CES2: variants seen among roughly 807,000 people sequenced by gnomAD.
The protein encoded by CES2 is carboxylesterase 2, also known as cocaine esterase.
A neutral mutation model predicts 52.1 loss-of-function variants in CES2; 42 were observed. The observed-to-expected ratio is 0.81, with a 90% CI of 0.63 to 1.04. The LOEUF (loss-of-function observed/expected upper bound fraction) is 1.04, where lower values mean the gene tolerates loss of function less well. Ranked by LOEUF, CES2 falls within the 50% of genes least tolerant of loss-of-function variation. CES2 has a pLI of 0.00. For missense variants in CES2, 656 were observed against 724.3 expected (o/e 0.91, Z 1.08); for synonymous variants, 277 against 289.6 (o/e 0.96, Z 0.44).
chr16:66,939,076 G>A, intron 2 of CES2, 141 bp from the exon 3 acceptor site: 2 of 697,310 alleles, frequency 2.9e-6, no homozygotes, highest in African/African-American at 1.8e-5. Context: ...GTAACTTGGT[G>A]GGAAGGGATT....
chr16:66,939,284 G>A lies in CES2; in HGVS notation c.349G>A (p.Asp117Asn), dbSNP rs758448458. 34 of 1,613,824 alleles carry A rather than the reference G, an allele frequency of 2.1e-5. No individual in the cohort carries two copies. Among genetic ancestry groups the A allele is most frequent in the South Asian group, 2.0e-4 (18 of 91,056 alleles). Residue 117 changes from aspartate (D) to asparagine (N), a missense_variant, in exon 3 of 12, where the codon GAC (aspartate) becomes AAC (asparagine). Coordinates refer to ENST00000317091, the MANE Select transcript of CES2 (RefSeq NM_001365405.1). ...LSQFNMTFPS[D>N]SMSEDCLYLS... The stretch of plus-strand genomic sequence containing the variant: ...CCAGTTCAACATGACCTTCCCTTCC[G>A]ACTCCATGTCTGAGGACTGCCTGTA...
chr16:66,938,019 C>CT lies in CES2; in HGVS notation c.77-17dup. On this transcript the variant is annotated splice_polypyrimidine_tract_variant and intron_variant, in intron 1 of 11. Transcript: ENST00000317091. Reference sequence around the variant, plus strand: ...GATTGGTCAAACCCAACCGTGATGTCTGTCTCTCTGCCCACAGGCCAGGAC... The same window carrying CT: ...GATTGGTCAAACCCAACCGTGATGTCTTGTCTCTCTGCCCACAGGCCAGGAC... 6.2e-7 allele frequency: 1 copy of CT among 1,609,330 alleles called. No homozygotes were observed. The highest frequency in any genetic ancestry group is 8.5e-7 in the Non-Finnish European group (1 of 1,175,848).
intron 1 of CES2, among the ~76,000 whole-genome samples, chr16:66,936,794 C>T (rs1032135625): frequency 2.6e-5 from 4 of 152,152 alleles, no homozygotes; most frequent in African/African-American, 9.7e-5. Context: ...TGCACTGCTG[C>T]AGGGCTTCCT....
Position 66,940,682 on chromosome 16 carries a change from A to G in CES2, c.803A>G (p.Asp268Gly), listed in dbSNP as rs1386476549. 3.1e-6 allele frequency: 5 copies of G among 1,614,056 alleles called. No homozygotes were observed. The South Asian group carries it at 4.4e-5, about 14-fold the overall frequency. Residue 268 changes from aspartate to glycine, a missense_variant, in exon 5 of 12, where the codon GAT becomes GGT. Asp to Gly is a moderately conservative substitution (Grantham distance 94). Transcript: ENST00000317091. ...LLPGLIASSA[D>G]VISTVVANLS... is the part of the protein sequence containing the mutation. ...CCCGGCCTCATTGCCAGCTCAGCTG[A>G]TGTCATCTCCACGGTGAGTGCCCTC...
At position 66,943,539 on chromosome 16, in the gene CES2, G is replaced by A. The variant is rs1567549988; in HGVS notation, c.1493+168G>A. 2 of 683,658 alleles carry A rather than the reference G, an allele frequency of 2.9e-6. No homozygotes were observed. The highest frequency in any genetic ancestry group is 2.5e-6 in the Non-Finnish European group (1 of 399,044). 42.3% of individuals were successfully genotyped at this position (683,658 alleles called of 1,614,324 possible). Reference sequence around the variant, plus strand: ...AGACAGGGTGGGGGTGCGTGGGGCAGTGGACACGCTCTATCTCTCCAGTCT... The same window carrying A: ...AGACAGGGTGGGGGTGCGTGGGGCAATGGACACGCTCTATCTCTCCAGTCT... On this transcript the variant is annotated intron_variant, in intron 11 of 11. Transcript: ENST00000317091. The surrounding 1 kb of genome is among the most constrained non-coding windows in gnomAD (Gnocchi z 4.2).
At chr16:66,939,081 G>T (rs998401004) in intron 2 of CES2, 136 bp from the exon 3 acceptor site, 2 of 722,740 alleles carry the variant, frequency 2.8e-6, no homozygotes, top group Non-Finnish European at 4.6e-6. Context: ...TTGGTGGGAA[G>T]GGATTTTTGA....
rs774405563 is a variant in CES2 at position 66,935,536 on chromosome 16, G to T, written c.-100G>T. The stretch of plus-strand genomic sequence containing the variant: ...CTCCCTGCCCAGTCCAAACTCCAAG[G>T]CTGGGCAAGGCACTGATCCACTGCT... On this transcript the variant is annotated 5_prime_UTR_variant, in exon 1 of 12. Coordinates refer to ENST00000317091, the MANE Select transcript of CES2 (RefSeq NM_001365405.1). The T allele has an allele frequency of 5.0e-6, 8 of 1,614,036 alleles. No homozygotes were observed. The highest frequency in any genetic ancestry group is 1.1e-5 in the South Asian group (1 of 91,094).
At position 66,939,398 on chromosome 16, in the gene CES2, G is replaced by T. The variant is rs1028527283; in HGVS notation, c.423+40G>T. On this transcript the variant is annotated intron_variant, in intron 3 of 11. Coordinates refer to ENST00000317091, the MANE Select transcript of CES2 (RefSeq NM_001365405.1). Reference sequence around the variant, plus strand: ...ACAGTTCACTGGGGGTTGGAGGACAGTTCTTCTGCAAGAAGCTGAAAAGGA... The same window carrying T: ...ACAGTTCACTGGGGGTTGGAGGACATTTCTTCTGCAAGAAGCTGAAAAGGA... The T allele has an allele frequency of 1.9e-6, 3 of 1,608,970 alleles. No individual in the cohort carries two copies. The African/African-American group carries it at 4.0e-5, about 21-fold the overall frequency.
In CES2 at chr16:66,935,565, C is replaced by T; in HGVS notation, c.-71C>T. 6.2e-7 allele frequency: 1 copy of T among 1,613,928 alleles called. No homozygotes were observed. The highest frequency in any genetic ancestry group is 8.5e-7 in the Non-Finnish European group (1 of 1,180,040). On this transcript the variant is annotated 5_prime_UTR_variant, in exon 1 of 12. Coordinates refer to ENST00000317091, the MANE Select transcript of CES2 (RefSeq NM_001365405.1). ...GGCAAGGCACTGATCCACTGCTGGACAGACCCGGGGCAGCCTCTGGGTGAA... is the reference window on the plus strand; with the variant it reads ...GGCAAGGCACTGATCCACTGCTGGATAGACCCGGGGCAGCCTCTGGGTGAA...
Position 66,941,123 on chromosome 16 carries a change from G to C in CES2, c.817-1G>C. ...CCAGCCCCTGCCTGGTCCCTTTACA[G>C]GTGGTGGCCAACCTGTCTGCCTGTG... On this transcript the variant is annotated splice_acceptor_variant, in intron 5 of 11. Coordinates refer to ENST00000317091, the MANE Select transcript of CES2 (RefSeq NM_001365405.1). LOFTEE classifies it high-confidence loss of function. 2 of 1,614,002 alleles carry C rather than the reference G, an allele frequency of 1.2e-6. No homozygotes were observed. Among genetic ancestry groups the C allele is most frequent in the Non-Finnish European group, 1.7e-6 (2 of 1,179,980 alleles).
Position 66,941,575 on chromosome 16 carries a change from T to C in CES2, c.985T>C (p.Ser329Pro), listed in dbSNP as rs1341339269. 1 of 1,614,176 alleles carries C rather than the reference T, an allele frequency of 6.2e-7. No individual in the cohort carries two copies. Among genetic ancestry groups the C allele is most frequent in the Non-Finnish European group, 8.5e-7 (1 of 1,180,020 alleles). ...LPRHPQELLA[S>P]ADFQPVPSIV... is the part of the protein sequence containing the mutation. ...CAGGCACCCCCAGGAGCTGCTGGCC[T>C]CTGCCGACTTTCAGCCTGTCCCTAG... Residue 329 changes from serine to proline, a missense_variant, in exon 7 of 12, where the codon TCT (serine) becomes CCT (proline). Transcript: ENST00000317091.
intron 5 of CES2, 88 bp from the exon 6 acceptor site, chr16:66,941,036 G>C (rs1347130785): frequency 1.3e-6 from 2 of 1,563,022 alleles, no homozygotes; most frequent in Non-Finnish European, 1.7e-6. Context: ...CTGAGATTTG[G>C]GGTACCCCTG....
At chr16:66,939,700 G>A (rs1174384156) in intron 3 of CES2, among the ~76,000 whole-genome samples, 3 of 152,228 alleles carry the variant, frequency 2.0e-5, no homozygotes, top group Middle Eastern at 3.2e-3. Context: ...CTATAGAATG[G>A]GCACACACAA....
Position 66,935,659 on chromosome 16 carries a change from G to T in CES2, c.24G>T (p.Ala8=). The T allele has an allele frequency of 6.2e-7, 1 of 1,603,294 alleles. No homozygotes were observed. MRLHRLR[A]RLSAVACGLL... Reference sequence around the variant, plus strand: ...CCATGCGGCTGCACAGACTTCGTGCGCGGCTGAGCGCGGTGGCCTGTGGGC... The same window carrying T: ...CCATGCGGCTGCACAGACTTCGTGCTCGGCTGAGCGCGGTGGCCTGTGGGC... The change falls in exon 1 of 12, where the codon GCG becomes GCT. Residue 8 remains alanine (A), a synonymous_variant. Transcript: ENST00000317091.
Position 66,943,454 on chromosome 16 carries a change from A to G in CES2, c.1493+83A>G. The G allele has an allele frequency of 3.5e-6, 5 of 1,425,810 alleles. No individual in the cohort carries two copies. The allele number at this position is 1,425,810 out of a possible 1,614,324, so 88.3% of individuals were successfully genotyped here. A position where few individuals can be genotyped will look rare whatever the true frequency, so the allele number is the denominator to read the frequency against. The stretch of plus-strand genomic sequence containing the variant: ...TGCTCTCCTAGTCTGGGGTGACCTC[A>G]TGAGCACACCCGCATCCTTCATCAC... On this transcript the variant is annotated intron_variant, in intron 11 of 11. Transcript: ENST00000317091. The surrounding 1 kb of genome is among the most constrained non-coding windows in gnomAD (Gnocchi z 4.2).
At chr16:66,939,129 C>A in intron 2 of CES2, 88 bp from the exon 3 acceptor site, 1 of 1,124,344 alleles carries the variant, frequency 8.9e-7, no homozygotes, top group Non-Finnish European at 1.3e-6. Context: ...TGGGAAGGGT[C>A]TGAGGGTGGC....
intron 9 of CES2, 133 bp from the exon 10 acceptor site, chr16:66,942,515 G>A: frequency 9.7e-7 from 1 of 1,027,408 alleles, no homozygotes; most frequent in Admixed American, 2.7e-5. Flanking sequence ...CTCTATTCCT[G>A]CCCCAGCCTG....
chr16:66,936,875 G>T (rs1963229926), intron 1 of CES2, among the ~76,000 whole-genome samples: 2 of 152,094 alleles, frequency 1.3e-5, no homozygotes, highest in South Asian at 4.1e-4. Flanking sequence ...TGGCCTCACA[G>T]ATGGCTACCT....
rs150573301 is a variant in CES2, at chr16:66,940,239, C to T, written c.441C>T (p.His147=). The T allele has an allele frequency of 1.4e-4, 217 of 1,538,998 alleles. 1 individual carries two copies. The highest frequency in any genetic ancestry group is 2.7e-4 in the Admixed American group (15 of 54,606). Residue 147 remains histidine (H), a synonymous_variant, in exon 4 of 12, where the codon CAC becomes CAT. Coordinates refer to ENST00000317091, the MANE Select transcript of CES2 (RefSeq NM_001365405.1). The stretch of plus-strand genomic sequence containing the variant: ...TTCCCCAGGTGATGGTGTGGATCCA[C>T]GGTGGTGCGCTTGTTTTTGGCATGG... ...GSNLPVMVWI[H]GGALVFGMAS... is the part of the protein sequence containing the mutation.
Sources: gnomAD v4.1 joint callset for allele counts (sites outside exome capture counted in the v4.1 genomes callset) on GRCh38, gnomAD v4.1.1 for gene constraint, Gnocchi (gnomAD v3.1) non-coding constraint, MANE v1.5 for transcripts, NCBI Gene and HGNC (gene_info 2026-07-23, HGNC 2026-07-21) for gene names.